Variants in RHOA observed in about 807,000 individuals in gnomAD.
RHOA encodes transforming protein RhoA.
In RHOA, 3 loss-of-function variants were observed where a neutral mutation model predicts 17.5. The ratio of observed to expected loss-of-function variants is 0.17; its 90% CI spans 0.08 to 0.44. RHOA has a LOEUF of 0.44. Ranked by LOEUF, RHOA falls within the 20% of genes least tolerant of loss-of-function variation. RHOA has a pLI of 0.99. For missense variants in RHOA, 56 were observed against 242.3 expected (o/e 0.23, Z 5.10); for synonymous variants, 98 against 88.4 (o/e 1.11, Z -0.61).
intron 1 of RHOA, among the ~76,000 whole-genome samples, chr3:49,402,786 C>T (rs1414497932): frequency 6.6e-6 from 1 of 152,070 alleles, no homozygotes; most frequent in African/African-American, 2.4e-5. Flanking sequence ...ACCTGTAATT[C>T]CAGCACTTTG....
chr3:49,377,788 C>T (rs1400064930), intron 1 of RHOA, among the ~76,000 whole-genome samples: 1 of 150,536 alleles, frequency 6.6e-6, no homozygotes, highest in African/African-American at 2.4e-5. Flanking sequence ...TCTTATGACT[C>T]AACTACAAAA....
chr3:49,391,040 A>C (rs2048493820), intron 1 of RHOA, among the ~76,000 whole-genome samples: 1 of 151,520 alleles, frequency 6.6e-6, no homozygotes, highest in South Asian at 2.1e-4. Flanking sequence ...AACACGGTGA[A>C]ACCCCGTCTC....
At chr3:49,409,580 A>G (rs1004933012) in intron 1 of RHOA, among the ~76,000 whole-genome samples, 6 of 152,072 alleles carry the variant, frequency 3.9e-5, no homozygotes, top group Non-Finnish European at 8.8e-5. Context: ...GAGTTAACAT[A>G]TATCTCTCAG....
intron 1 of RHOA, among the ~76,000 whole-genome samples, chr3:49,394,630 C>T (rs1267287469): frequency 2.0e-5 from 3 of 152,162 alleles, no homozygotes; most frequent in East Asian, 1.9e-4. Context: ...GGATTTCAGG[C>T]GTGAGCCACT....
intron 1 of RHOA, among the ~76,000 whole-genome samples, chr3:49,385,730 C>T (rs1271978334): frequency 6.6e-6 from 1 of 151,982 alleles, no homozygotes; most frequent in Non-Finnish European, 1.5e-5. Flanking sequence ...ACACTTTAGG[C>T]CTTTGATTCA....
At chr3:49,376,120 C>T (rs1337815924) in intron 1 of RHOA, among the ~76,000 whole-genome samples, 4 of 151,924 alleles carry the variant, frequency 2.6e-5, no homozygotes, top group Non-Finnish European at 4.4e-5. Flanking sequence ...GGATTACAGG[C>T]GTGAGCCACC....
intron 1 of RHOA, among the ~76,000 whole-genome samples, chr3:49,385,221 C>CTTT (rs539105194): frequency 7.1e-6 from 1 of 140,558 alleles, no homozygotes; most frequent in African/African-American, 2.6e-5. Context: ...GCCCCCCTAC[C>CTTT]TTTTTTTTTT....
intron 1 of RHOA, among the ~76,000 whole-genome samples, chr3:49,383,786 T>C (rs1370826097): frequency 6.6e-5 from 10 of 152,100 alleles, no homozygotes; most frequent in African/African-American, 9.7e-5. Flanking sequence ...TCCCAGCACT[T>C]TGGGAGGCTG....
chr3:49,400,881 T>C (rs2048711710), intron 1 of RHOA, among the ~76,000 whole-genome samples: 1 of 151,050 alleles, frequency 6.6e-6, no homozygotes, highest in African/African-American at 2.4e-5. Context: ...CCGTCTCTAC[T>C]AAAAATACAA....
chr3:49,393,670 CTCTCTCTGTGTGTGTGTGTGTG>C lies in RHOA; in HGVS notation c.-2-18101_-2-18080del, dbSNP rs2048554204. Among the ~76,000 whole-genome samples the C allele has an allele frequency of 4.4e-4, 43 of 97,262 alleles. 2 individuals carry two copies. The highest frequency in any genetic ancestry group is 5.9e-3 in the Middle Eastern group (1 of 170). 63.8% of individuals were successfully genotyped at this position (97,262 alleles called of 152,430 possible). A position where few individuals can be genotyped will look rare whatever the true frequency, so the allele number is the denominator to read the frequency against. On this transcript the variant is annotated intron_variant, in intron 1 of 4. Coordinates refer to ENST00000418115, the MANE Select transcript of RHOA (RefSeq NM_001664.4). The stretch of plus-strand genomic sequence containing the variant: ...GACCACAGGTCCCTTGTCTCAAATT[CTCTCTCTGTGTGTGTGTGTGTG>C]TGTGTGTGTGTGTGTGTGTGTGTGT...
intron 1 of RHOA, among the ~76,000 whole-genome samples, chr3:49,384,444 A>G (rs1393810092): frequency 6.6e-6 from 1 of 152,214 alleles, no homozygotes; most frequent in Non-Finnish European, 1.5e-5. Flanking sequence ...TATTTAACCA[A>G]AAGTCAGTTA....
chr3:49,386,480 T>C (rs1159647906), intron 1 of RHOA, among the ~76,000 whole-genome samples: 2 of 152,226 alleles, frequency 1.3e-5, no homozygotes, highest in African/African-American at 4.8e-5. Context: ...GAAAGGCTAA[T>C]TTGTTCAACG....
At chr3:49,369,470 T>C (rs1210506169) in intron 2 of RHOA, among the ~76,000 whole-genome samples, 2 of 151,188 alleles carry the variant, frequency 1.3e-5, no homozygotes, top group Non-Finnish European at 3.0e-5. Flanking sequence ...CGGTGGCTCA[T>C]GCCTGTAATC....
At chr3:49,395,235 T>C (rs1233927227) in intron 1 of RHOA, among the ~76,000 whole-genome samples, 13 of 143,020 alleles carry the variant, frequency 9.1e-5, no homozygotes. Flanking sequence ...TGGACGACAG[T>C]GCAAGACTCC....
At chr3:49,397,291 G>A (rs778832659) in intron 1 of RHOA, among the ~76,000 whole-genome samples, 3 of 152,076 alleles carry the variant, frequency 2.0e-5, no homozygotes, top group Non-Finnish European at 4.4e-5. Flanking sequence ...GTAGATTAGT[G>A]GTTACCTAAG....
At chr3:49,391,011 G>C (rs1018736569) in intron 1 of RHOA, among the ~76,000 whole-genome samples, 2 of 152,014 alleles carry the variant, frequency 1.3e-5, no homozygotes, top group Non-Finnish European at 2.9e-5. Context: ...GAGGTCAGGA[G>C]ATCGAGACCA....
intron 1 of RHOA, among the ~76,000 whole-genome samples, chr3:49,401,310 A>G (rs1233418768): frequency 2.0e-5 from 3 of 152,088 alleles, no homozygotes; most frequent in Admixed American, 6.6e-5. Flanking sequence ...CTTGAAGCCA[A>G]GAGGTGGAGA....
At chr3:49,361,384 C>T (rs1279334079) in intron 4 of RHOA, among the ~76,000 whole-genome samples, 3 of 152,298 alleles carry the variant, frequency 2.0e-5, no homozygotes, top group African/African-American at 7.2e-5. Flanking sequence ...TGAGGAAGCC[C>T]TGCCATTAGG....
At chr3:49,408,328 AC>A (rs2048874680) in intron 1 of RHOA, among the ~76,000 whole-genome samples, 1 of 152,204 alleles carries the variant, frequency 6.6e-6, no homozygotes, top group Admixed American at 6.6e-5. Flanking sequence ...GCTTAAATAT[AC>A]ATACTCATCC....
Sources: gnomAD v4.1 joint callset for allele counts (sites outside exome capture counted in the v4.1 genomes callset) on GRCh38, gnomAD v4.1.1 for gene constraint, MANE v1.5 for transcripts, NCBI Gene and HGNC (gene_info 2026-07-23, HGNC 2026-07-21) for gene names.